Variants in PRKG1 observed in about 807,000 individuals in gnomAD.
The protein encoded by PRKG1 is cGMP-dependent protein kinase 1.
In PRKG1, 35 loss-of-function variants were observed where a neutral mutation model predicts 88.1. The observed-to-expected ratio is 0.40, with a 90% confidence interval of 0.30 to 0.53. PRKG1 has a LOEUF of 0.53. Among genes scored for constraint, PRKG1 ranks in the 20% least tolerant of loss-of-function variants. The probability of loss-of-function intolerance (pLI) is 0.59; values close to 1 mark genes in which losing one functional copy is unlikely to be tolerated. For synonymous variants in PRKG1, 303 were observed against 292.5 expected (o/e 1.04, Z -0.37); for missense variants, 540 against 839.8 (o/e 0.64, Z 4.41).
At chr10:51,586,968 AGT>A (rs1417149578) in intron 3 of PRKG1, among the ~76,000 whole-genome samples, 2 of 152,134 alleles carry the variant, frequency 1.3e-5, no homozygotes, top group African/African-American at 4.8e-5. Flanking sequence ...TAGTCATTTA[AGT>A]GTGGCATATT....
Position 51,932,335 on chromosome 10 carries a change from C to A in PRKG1, c.762+24765C>A, listed in dbSNP as rs188845977. On this transcript the variant is annotated intron_variant, in intron 5 of 17. Transcript: ENST00000373980. ...ACATTGAGAAACGGTTCAGTATTGA[C>A]CCCAAATGTCCTTTAATAATAACAG... 1.1e-4 allele frequency among the ~76,000 whole-genome samples: 16 copies of A among 152,012 alleles called. 1 individual carries two copies. In the East Asian group the frequency reaches 2.9e-3, roughly 28 times the overall value.
chr10:51,387,825 G>T, intron 2 of PRKG1, among the ~76,000 whole-genome samples: 1 of 151,872 alleles, frequency 6.6e-6, no homozygotes, highest in Non-Finnish European at 1.5e-5. Flanking sequence ...ATTCTATTTG[G>T]ACTTATCTAA....
chr10:52,140,044 C>T (rs987919866), intron 8 of PRKG1, among the ~76,000 whole-genome samples: 1 of 152,160 alleles, frequency 6.6e-6, no homozygotes, highest in Non-Finnish European at 1.5e-5. Flanking sequence ...GAATTTATAT[C>T]ATTTTCTTAT....
At chr10:51,772,070 C>T (rs1053826520) in intron 3 of PRKG1, among the ~76,000 whole-genome samples, 1 of 151,892 alleles carries the variant, frequency 6.6e-6, no homozygotes, top group African/African-American at 2.4e-5. Context: ...TTTGATATTT[C>T]AAGTTATTCT....
chr10:51,137,077 G>A (rs1193282841), intron 1 of PRKG1, among the ~76,000 whole-genome samples: 2 of 151,952 alleles, frequency 1.3e-5, no homozygotes, highest in African/African-American at 2.4e-5. Context: ...GGTAGAGACG[G>A]GGTTTCACCG....
At chr10:51,793,152 A>AAC (rs1239462733) in intron 3 of PRKG1, among the ~76,000 whole-genome samples, 1 of 150,956 alleles carries the variant, frequency 6.6e-6, no homozygotes, top group Non-Finnish European at 1.5e-5. Flanking sequence ...AAAAAAAAAA[A>AAC]AAAAAACCAG....
chr10:51,398,731 C>G (rs562491651), intron 2 of PRKG1, among the ~76,000 whole-genome samples: 1 of 152,310 alleles, frequency 6.6e-6, no homozygotes. Context: ...AATCAGTAGA[C>G]TAAGTAAAGC....
At chr10:51,209,139 CAG>C (rs1272079841) in intron 2 of PRKG1, among the ~76,000 whole-genome samples, 6 of 152,088 alleles carry the variant, frequency 3.9e-5, no homozygotes, top group African/African-American at 1.4e-4. Flanking sequence ...AAGAGAGAAA[CAG>C]AAAGATATTG....
chr10:51,907,368 G>T, intron 4 of PRKG1, 139 bp from the exon 5 acceptor site: 4 of 643,288 alleles, frequency 6.2e-6, no homozygotes, highest in South Asian at 2.4e-5. Context: ...AGGTTGTGTG[G>T]CTAATGCATT....
chr10:51,052,215 T>C (rs554861862), intron 1 of PRKG1, among the ~76,000 whole-genome samples: 124 of 152,326 alleles, frequency 8.1e-4, no homozygotes, highest in African/African-American at 2.5e-3. Flanking sequence ...TATTGGACTG[T>C]AGGCCTTTTA....
intron 4 of PRKG1, among the ~76,000 whole-genome samples, chr10:51,843,093 C>CTTTT (rs1167219822): frequency 9.4e-4 from 83 of 87,854 alleles, no homozygotes; most frequent in African/African-American, 2.0e-3. Flanking sequence ...GAAAATTATT[C>CTTTT]TTTTTTTTTT....
At chr10:52,071,628 G>T (rs758892581) in intron 7 of PRKG1, among the ~76,000 whole-genome samples, 9 of 140,358 alleles carry the variant, frequency 6.4e-5, no homozygotes, top group Middle Eastern at 4.0e-3. Flanking sequence ...TTCCTTCCGT[G>T]TGTGGTTTAG....
chr10:51,797,718 T>C (rs1343907446), intron 3 of PRKG1, among the ~76,000 whole-genome samples: 1 of 151,510 alleles, frequency 6.6e-6, no homozygotes, highest in Non-Finnish European at 1.5e-5. Context: ...ACATTCACAT[T>C]GTGCAACCAT....
chr10:51,103,867 A>G (rs1230381444), intron 1 of PRKG1, among the ~76,000 whole-genome samples: 1 of 152,236 alleles, frequency 6.6e-6, no homozygotes. Flanking sequence ...TAAAACAGAA[A>G]TGAACACAAA....
At chr10:51,569,249 A>T (rs1837685690) in intron 3 of PRKG1, among the ~76,000 whole-genome samples, 1 of 151,950 alleles carries the variant, frequency 6.6e-6, no homozygotes, top group Admixed American at 6.6e-5. Context: ...TCTCCAGCAA[A>T]CCTTTGTATT....
intron 5 of PRKG1, among the ~76,000 whole-genome samples, chr10:51,954,629 C>T (rs1224890621): frequency 6.6e-6 from 1 of 152,132 alleles, no homozygotes; most frequent in Non-Finnish European, 1.5e-5. Context: ...AACATAGACG[C>T]CCACTTTCTC....
At chr10:52,024,345 TA>T (rs1554793262) in intron 5 of PRKG1, among the ~76,000 whole-genome samples, 1 of 152,020 alleles carries the variant, frequency 6.6e-6, no homozygotes, top group Non-Finnish European at 1.5e-5. Flanking sequence ...TTTTTATTAT[TA>T]TACTTTAAGT....
At chr10:52,025,977 C>A (rs1168999723) in intron 5 of PRKG1, among the ~76,000 whole-genome samples, 1 of 151,712 alleles carries the variant, frequency 6.6e-6, no homozygotes, top group African/African-American at 2.4e-5. Context: ...GATATATAGA[C>A]CAATGGAACA....
chr10:52,052,860 G>T (rs1157403825), intron 5 of PRKG1, among the ~76,000 whole-genome samples: 1 of 152,104 alleles, frequency 6.6e-6, no homozygotes, highest in African/African-American at 2.4e-5. Context: ...AGCCTGGGAG[G>T]TCAAGGCTGC....
Sources: gnomAD v4.1 joint callset for allele counts (sites outside exome capture counted in the v4.1 genomes callset) on GRCh38, gnomAD v4.1.1 for gene constraint, MANE v1.5 for transcripts, NCBI Gene and HGNC (gene_info 2026-07-23, HGNC 2026-07-21) for gene names.